CADPS2: variants seen among roughly 807,000 people sequenced by gnomAD.
CADPS2 encodes the protein calcium dependent secretion activator 2.
In CADPS2, 93 loss-of-function variants were observed where a neutral mutation model predicts 172.5. That is an observed-to-expected ratio of 0.54 (90% CI 0.46 to 0.64). The LOEUF is 0.64. Ranked by LOEUF, CADPS2 falls within the 30% of genes least tolerant of loss-of-function variation. The pLI is 0.00. For missense variants in CADPS2, 1,420 were observed against 1,565.9 expected, an observed-to-expected ratio of 0.91 and a Z score of 1.57; for synonymous variants, 546 against 555.2, an observed-to-expected ratio of 0.98 and a Z score of 0.23.
At chr7:122,472,691 T>A (rs2056135249) in intron 13 of CADPS2, among the ~76,000 whole-genome samples, 1 of 152,184 alleles carries the variant, frequency 6.6e-6, no homozygotes, top group Non-Finnish European at 1.5e-5. Context: ...TATCCCTTAT[T>A]GATGTTCACT....
intron 14 of CADPS2, among the ~76,000 whole-genome samples, chr7:122,453,705 A>G (rs2053415374): frequency 6.6e-6 from 1 of 152,180 alleles, no homozygotes; most frequent in Non-Finnish European, 1.5e-5. Flanking sequence ...TATTTTGTTC[A>G]ACTGTCAAAT....
intron 15 of CADPS2, among the ~76,000 whole-genome samples, chr7:122,442,179 G>A (rs1228777056): frequency 6.6e-6 from 1 of 152,214 alleles, no homozygotes; most frequent in Non-Finnish European, 1.5e-5. Context: ...TCATGGGGAT[G>A]TTCTGAAATC....
chr7:122,332,613 G>A (rs2035163332), intron 28 of CADPS2, among the ~76,000 whole-genome samples: 1 of 152,064 alleles, frequency 6.6e-6, no homozygotes, highest in Non-Finnish European at 1.5e-5. Context: ...CTTGTTGAAT[G>A]CTGAAAAACT....
intron 17 of CADPS2, among the ~76,000 whole-genome samples, chr7:122,437,484 C>T (rs751335870): frequency 4.0e-4 from 61 of 152,086 alleles, no homozygotes; most frequent in Admixed American, 2.8e-3. Flanking sequence ...CCTTGAGTAC[C>T]ATTTTATATA....
chr7:122,393,186 G>T lies in CADPS2; in HGVS notation c.3008+10C>A. 1 of 1,612,868 alleles carries T rather than the reference G, an allele frequency of 6.2e-7. No homozygotes were observed. The highest frequency in any genetic ancestry group is 8.5e-7 in the Non-Finnish European group (1 of 1,179,514). The stretch of plus-strand genomic sequence containing the variant: ...AACACACCACCAGGAAATAAGTGAG[G>T]AATACACACGTGGACTCATATAAAG... On this transcript the variant is annotated intron_variant, in intron 22 of 29. Coordinates refer to ENST00000449022, the MANE Select transcript of CADPS2 (RefSeq NM_017954.11).
At chr7:122,685,456 C>T (rs544206824) in intron 2 of CADPS2, among the ~76,000 whole-genome samples, 2 of 152,246 alleles carry the variant, frequency 1.3e-5, no homozygotes, top group Non-Finnish European at 2.9e-5. Context: ...ACGTTCCTGA[C>T]ACTTCTCAGA....
intron 1 of CADPS2, among the ~76,000 whole-genome samples, chr7:122,754,677 A>T (rs147794716): frequency 2.2e-4 from 33 of 152,192 alleles, no homozygotes; most frequent in African/African-American, 6.3e-4. Context: ...GGTTTCACCA[A>T]GTTGGCCAGG....
At chr7:122,644,291 C>T (rs2078055549) in intron 3 of CADPS2, among the ~76,000 whole-genome samples, 1 of 152,180 alleles carries the variant, frequency 6.6e-6, no homozygotes, top group Non-Finnish European at 1.5e-5. Context: ...CCATTATTTA[C>T]CAAACATGTT....
chr7:122,693,265 A>C (rs904527754), intron 2 of CADPS2, among the ~76,000 whole-genome samples: 16 of 152,186 alleles, frequency 1.1e-4, no homozygotes, highest in Admixed American at 6.5e-5. Context: ...TCCTTCTTTA[A>C]GTGTTCCCTA....
chr7:122,796,437 A>C (rs1207667563), intron 1 of CADPS2, among the ~76,000 whole-genome samples: 10 of 152,216 alleles, frequency 6.6e-5, no homozygotes, highest in African/African-American at 2.4e-4. Context: ...ACAAAGGTGG[A>C]GGCATCACAC....
At chr7:122,405,378 G>T (rs1436302193) in intron 20 of CADPS2, among the ~76,000 whole-genome samples, 2 of 152,066 alleles carry the variant, frequency 1.3e-5, no homozygotes, top group African/African-American at 2.4e-5. Context: ...AAAATTGGCT[G>T]AGGGCCAGGT....
At position 122,491,351 on chromosome 7, in the gene CADPS2, G is replaced by C. The variant is rs1178142158; in HGVS notation, c.1612C>G (p.Leu538Val). Reference sequence around the variant, plus strand: ...GTATAATCCACAGTATAGCCTTCAAGCTGCATTAATTCTTGTGGTTCAGAC... The same window carrying C: ...GTATAATCCACAGTATAGCCTTCAACCTGCATTAATTCTTGTGGTTCAGAC... ...KKSEPQELMQLEGYTVDYTDP... is the reference protein window; with the variant it reads ...KKSEPQELMQVEGYTVDYTDP... Residue 538 changes from leucine (L) to valine (V), a missense_variant, in exon 10 of 30, where the codon CTT (leucine) becomes GTT (valine). By Grantham distance (32) the Leu-to-Val change is conservative. Transcript: ENST00000449022. 6.2e-7 allele frequency: 1 copy of C among 1,611,548 alleles called. No homozygotes were observed. Among genetic ancestry groups the C allele is most frequent in the African/African-American group, 1.3e-5 (1 of 74,798 alleles).
At chr7:122,542,916 A>G (rs1639733191) in intron 8 of CADPS2, among the ~76,000 whole-genome samples, 1 of 152,034 alleles carries the variant, frequency 6.6e-6, no homozygotes, top group Admixed American at 6.6e-5. Context: ...CAAAGACAGT[A>G]TTTTTCAGTT....
chr7:122,351,201 G>A (rs12536618), intron 27 of CADPS2, among the ~76,000 whole-genome samples: 3,560 of 150,184 alleles, frequency 0.024, 138 homozygotes, highest in African/African-American at 0.082. Context: ...ACTAAACATC[G>A]TCTCTACTAA....
chr7:122,697,718 C>T lies in CADPS2; in HGVS notation c.454-34149G>A, dbSNP rs113167242. The T allele has an allele frequency of 3.8e-5, 45 of 1,176,016 alleles. No individual in the cohort carries two copies. The African/African-American group carries it at 5.1e-4, about 13-fold the overall frequency. 72.8% of individuals were successfully genotyped at this position (1,176,016 alleles called of 1,614,324 possible). A position where few individuals can be genotyped will look rare whatever the true frequency, so the allele number is the denominator to read the frequency against. On this transcript the variant is annotated intron_variant, in intron 2 of 29. Transcript: ENST00000449022. ...ACACAAAAACCACACTTCAAACAGA[C>T]AAACTGCTTGTCAGTATTAGGACCT...
intron 2 of CADPS2, chr7:122,698,420 T>C: frequency 6.2e-7 from 1 of 1,614,010 alleles, no homozygotes; most frequent in Non-Finnish European, 8.5e-7. Flanking sequence ...CCCTTCTTAA[T>C]TAAATGGAAA....
At chr7:122,356,227 CCTT>C (rs2151087163) in intron 27 of CADPS2, among the ~76,000 whole-genome samples, 1 of 152,206 alleles carries the variant, frequency 6.6e-6, no homozygotes, top group South Asian at 2.1e-4. Context: ...CTCCTACTTT[CCTT>C]CTTTTTGATG....
chr7:122,727,073 G>C (rs2091182653), intron 2 of CADPS2, among the ~76,000 whole-genome samples: 1 of 151,972 alleles, frequency 6.6e-6, no homozygotes, highest in Admixed American at 6.6e-5. Context: ...TTTCCCTCAT[G>C]AAAGACACAG....
intron 3 of CADPS2, among the ~76,000 whole-genome samples, chr7:122,638,137 C>T (rs897368351): frequency 2.6e-5 from 4 of 152,140 alleles, no homozygotes; most frequent in Non-Finnish European, 4.4e-5. Context: ...ATCACTGGCA[C>T]CACGTCCACA....
Sources: gnomAD v4.1 joint callset for allele counts (sites outside exome capture counted in the v4.1 genomes callset) on GRCh38, gnomAD v4.1.1 for gene constraint, MANE v1.5 for transcripts, NCBI Gene and HGNC (gene_info 2026-07-23, HGNC 2026-07-21) for gene names.